LINGO2: variants seen among roughly 807,000 people sequenced by gnomAD.
LINGO2 encodes the protein leucine-rich repeat and immunoglobulin-like domain-containing nogo receptor-interacting protein 2.
A neutral mutation model predicts 30.6 loss-of-function variants in LINGO2; 14 were observed. The observed-to-expected ratio is 0.46, with a 90% CI of 0.30 to 0.72. LINGO2 has a LOEUF of 0.72. Among genes scored for constraint, LINGO2 ranks in the 30% least tolerant of loss-of-function variants. The pLI, the probability that LINGO2 is intolerant of heterozygous loss-of-function variation, is 0.07. For synonymous variants in LINGO2, 317 were observed against 288.5 expected, an observed-to-expected ratio of 1.10 and a Z score of -1.00; for missense variants, 729 against 751.7, an observed-to-expected ratio of 0.97 and a Z score of 0.35.
chr9:28,886,690 T>C, the LINGO2 span, among the ~76,000 whole-genome samples: 2 of 152,178 alleles, frequency 1.3e-5, no homozygotes, highest in African/African-American at 4.8e-5. Context: ...TTTCTCTCTA[T>C]GTAATTTCCC....
intron 1 of LINGO2, among the ~76,000 whole-genome samples, chr9:28,498,834 G>A (rs779320947): frequency 1.1e-4 from 16 of 152,084 alleles, no homozygotes; most frequent in Admixed American, 1.0e-3. Flanking sequence ...TGATCAGTAG[G>A]TGTCTAGTGC....
intron 2 of LINGO2, among the ~76,000 whole-genome samples, chr9:28,436,500 A>C (rs972526338): frequency 1.1e-4 from 17 of 151,652 alleles, no homozygotes; most frequent in East Asian, 9.8e-4. Context: ...CTCTGTCGCC[A>C]AGGCTGGAAT....
chr9:28,675,741 G>C, the LINGO2 span, among the ~76,000 whole-genome samples: 1 of 151,126 alleles, frequency 6.6e-6, no homozygotes, highest in African/African-American at 2.4e-5. Flanking sequence ...TGTGGTGGCA[G>C]GCACATGTAA....
chr9:29,173,347 T>C, the LINGO2 span, among the ~76,000 whole-genome samples: 1,100 of 152,194 alleles, frequency 7.2e-3, 16 homozygotes, highest in African/African-American at 0.024. Context: ...TTAACATCAA[T>C]AGACATGCTT....
At chr9:28,404,908 G>GTGTGTC (rs1054892495) in intron 2 of LINGO2, among the ~76,000 whole-genome samples, 1 of 120,568 alleles carries the variant, frequency 8.3e-6, no homozygotes, top group African/African-American at 2.5e-5. Context: ...CTTTGTGTGT[G>GTGTGTC]TGTGTGTGTG....
rs192844629 is a variant in LINGO2, at chr9:28,102,766, T to C, written c.-86-90361A>G. On this transcript the variant is annotated intron_variant, in intron 4 of 5. Transcript: ENST00000379992. ...ATAAAAAATGTTCACTAGCCTGTTT[T>C]CCAAGCCTTTATTCACAATAGCTTG... Among the ~76,000 whole-genome samples, 3 of 152,256 alleles carry C rather than the reference T, an allele frequency of 2.0e-5. No homozygotes were observed. The East Asian group carries it at 5.8e-4, about 29-fold the overall frequency.
the LINGO2 span, among the ~76,000 whole-genome samples, chr9:29,042,902 A>T: frequency 6.6e-6 from 1 of 151,864 alleles, no homozygotes; most frequent in Non-Finnish European, 1.5e-5. Context: ...GAAGAGATTG[A>T]TTAGTCATTG....
intron 2 of LINGO2, among the ~76,000 whole-genome samples, chr9:28,453,944 T>G (rs1824746771): frequency 6.6e-6 from 1 of 152,072 alleles, no homozygotes; most frequent in Non-Finnish European, 1.5e-5. Context: ...TAATTTTTGC[T>G]GCAGCTGCCT....
intron 4 of LINGO2, among the ~76,000 whole-genome samples, chr9:28,095,758 T>C (rs1317361574): frequency 2.0e-5 from 3 of 152,066 alleles, no homozygotes; most frequent in African/African-American, 7.2e-5. Flanking sequence ...GAAACTACCA[T>C]CAGACTGAAC....
chr9:28,987,788 T>G, the LINGO2 span, among the ~76,000 whole-genome samples: 1 of 152,212 alleles, frequency 6.6e-6, no homozygotes, highest in Non-Finnish European at 1.5e-5. Context: ...TTAAAATGTA[T>G]TATTTTATCC....
rs1471379979 is a variant in LINGO2, at chr9:28,129,835, T to G, written c.-86-117430A>C. ...TTTTGGTTTAAGAAGGTGAAAACAT[T>G]CATAGCAGAACACTTGGAAAATAAA... On this transcript the variant is annotated intron_variant, in intron 4 of 5. Transcript: ENST00000379992. This position sits in a 1 kb window ranked among gnomAD's most constrained non-coding sequence, Gnocchi z 4.0. Among the ~76,000 whole-genome samples, 2 of 152,198 alleles carry G rather than the reference T, an allele frequency of 1.3e-5. No homozygotes were observed. Among genetic ancestry groups the G allele is most frequent in the African/African-American group, 4.8e-5 (2 of 41,442 alleles).
At chr9:29,028,332 A>T in the LINGO2 span, among the ~76,000 whole-genome samples, 1 of 150,464 alleles carries the variant, frequency 6.6e-6, no homozygotes, top group South Asian at 2.2e-4. Flanking sequence ...AATATTGTGC[A>T]GTTCAGGAAG....
At chr9:28,391,256 C>T (rs1036926383) in intron 2 of LINGO2, among the ~76,000 whole-genome samples, 1 of 152,146 alleles carries the variant, frequency 6.6e-6, no homozygotes, top group African/African-American at 2.4e-5. Flanking sequence ...TTTTCATCAT[C>T]AGAGAGTTTC....
At position 27,999,435 on chromosome 9, in the gene LINGO2, TCA is replaced by T. The variant is rs1491208952; in HGVS notation, c.-36+12918_-36+12919del. Among the ~76,000 whole-genome samples the T allele has an allele frequency of 7.4e-3, 760 of 102,982 alleles. 5 individuals are homozygous for T. Among genetic ancestry groups the T allele is most frequent in the African/African-American group, 0.027 (718 of 26,266 alleles). The allele number at this position is 102,982 out of a possible 152,430, so 67.6% of individuals were successfully genotyped here. A position where few individuals can be genotyped will look rare whatever the true frequency, so the allele number is the denominator to read the frequency against. On this transcript the variant is annotated intron_variant, in intron 5 of 5. Coordinates refer to ENST00000379992, the Ensembl canonical transcript of LINGO2. ...ACGACTTAATCACAGTGCCTAATCT[TCA>T]GAGAGAGAGAGAGAGAGAGAGAGAG...
At chr9:28,006,089 T>A (rs977141167) in intron 5 of LINGO2, among the ~76,000 whole-genome samples, 1 of 152,052 alleles carries the variant, frequency 6.6e-6, no homozygotes, top group African/African-American at 2.4e-5. Flanking sequence ...ACATTAAGAT[T>A]TATTTCCAGT....
chr9:28,693,153 C>T, the LINGO2 span, among the ~76,000 whole-genome samples: 3 of 152,054 alleles, frequency 2.0e-5, no homozygotes, highest in African/African-American at 7.2e-5. Context: ...GTCATAGCCA[C>T]ATAATCCAAG....
At chr9:28,149,112 A>C (rs1328299989) in intron 4 of LINGO2, 32 of 1,520,956 alleles carry the variant, frequency 2.1e-5, no homozygotes, top group Admixed American at 3.9e-5. Context: ...GGACGCCTCC[A>C]GCAGGGCAAC....
At chr9:28,172,734 A>T (rs576312067) in intron 4 of LINGO2, among the ~76,000 whole-genome samples, 1 of 149,824 alleles carries the variant, frequency 6.7e-6, no homozygotes, top group African/African-American at 2.4e-5. Flanking sequence ...AATTTTCTCA[A>T]TTTTTTTTTT....
the LINGO2 span, among the ~76,000 whole-genome samples, chr9:29,044,056 A>C: frequency 7.2e-5 from 11 of 151,948 alleles, no homozygotes; most frequent in African/African-American, 2.7e-4. Flanking sequence ...CTGTATTTCC[A>C]CTTATTAGGA....
Sources: allele counts gnomAD v4.1 joint callset (sites outside exome capture counted in the v4.1 genomes callset), GRCh38; gene constraint gnomAD v4.1.1; non-coding constraint Gnocchi (gnomAD v3.1); transcripts MANE v1.5; gene names NCBI Gene and HGNC (gene_info 2026-07-23, HGNC 2026-07-21).